CRACD: variants seen among roughly 807,000 people sequenced by gnomAD.
The protein encoded by CRACD is capping protein-inhibiting regulator of actin dynamics.
In CRACD, 56 loss-of-function variants were observed where a neutral mutation model predicts 106.8. The observed-to-expected ratio is 0.52, with a 90% CI of 0.42 to 0.66. CRACD has a LOEUF of 0.66. CRACD is among the 30% of genes least tolerant of loss of function. The probability of loss-of-function intolerance (pLI) is 0.00; values close to 1 mark genes in which losing one functional copy is unlikely to be tolerated. For missense variants in CRACD, 1,730 were observed against 1,623.2 expected (o/e 1.07, Z -1.13); for synonymous variants, 754 against 670.8 (o/e 1.12, Z -1.92).
intron 5 of CRACD, chr4:56,309,039 T>C (rs1744951554): frequency 2.0e-6 from 1 of 505,010 alleles, no homozygotes; most frequent in Non-Finnish European, 3.7e-6. Context: ...AGTCAACCAG[T>C]ATATAAATAG....
intron 1 of CRACD, among the ~76,000 whole-genome samples, chr4:56,141,038 T>A (rs1290348689): frequency 6.6e-6 from 1 of 151,868 alleles, no homozygotes; most frequent in Admixed American, 6.6e-5. Flanking sequence ...CTTCTAGGAG[T>A]CAGTGAAAGA....
chr4:56,137,020 A>G (rs963028025), intron 1 of CRACD, among the ~76,000 whole-genome samples: 3 of 152,218 alleles, frequency 2.0e-5, no homozygotes, highest in African/African-American at 4.8e-5. Flanking sequence ...TCAAAAATCA[A>G]TTGGCATACA....
chr4:56,287,291 A>ATTTTT (rs57432926), intron 3 of CRACD, among the ~76,000 whole-genome samples: 1 of 145,898 alleles, frequency 6.9e-6, no homozygotes, highest in African/African-American at 2.5e-5. Flanking sequence ...TACTTGGCTA[A>ATTTTT]TTTTTTTTTT....
chr4:56,131,443 C>T (rs1267698625), intron 1 of CRACD, among the ~76,000 whole-genome samples: 4 of 152,082 alleles, frequency 2.6e-5, no homozygotes, highest in African/African-American at 4.8e-5. Context: ...TTGCTGAAAT[C>T]GTATATAGGC....
At chr4:56,122,771 G>T (rs147082750) in intron 1 of CRACD, among the ~76,000 whole-genome samples, 152 of 152,314 alleles carry the variant, frequency 1.0e-3, no homozygotes, top group Middle Eastern at 3.4e-3. Flanking sequence ...TAGAAAGTGT[G>T]ATTTGCATTT....
At chr4:56,104,216 G>C (rs1361229938) in intron 1 of CRACD, among the ~76,000 whole-genome samples, 2 of 152,102 alleles carry the variant, frequency 1.3e-5, no homozygotes, top group African/African-American at 2.4e-5. Flanking sequence ...GAGCAACATA[G>C]ATAGACCTCA....
At chr4:56,079,867 C>T (rs1217120543) in intron 1 of CRACD, among the ~76,000 whole-genome samples, 2 of 152,048 alleles carry the variant, frequency 1.3e-5, no homozygotes, top group Non-Finnish European at 2.9e-5. Flanking sequence ...GTAGGTTTAC[C>T]ATTGGGCCAG....
intron 2 of CRACD, among the ~76,000 whole-genome samples, chr4:56,201,291 C>G (rs1304790453): frequency 1.2e-4 from 18 of 152,178 alleles, no homozygotes; most frequent in Non-Finnish European, 1.0e-4. Flanking sequence ...TAAACCGTCT[C>G]TCTTTATACT....
At chr4:56,310,028 A>AG (rs1745032577) in intron 5 of CRACD, among the ~76,000 whole-genome samples, 1 of 151,588 alleles carries the variant, frequency 6.6e-6, no homozygotes, top group African/African-American at 2.4e-5. Context: ...CAAAAAAAAA[A>AG]AAAAAGAAAA....
intron 5 of CRACD, among the ~76,000 whole-genome samples, chr4:56,308,390 A>G (rs996942075): frequency 5.3e-5 from 8 of 151,764 alleles, no homozygotes; most frequent in Non-Finnish European, 8.8e-5. Context: ...ATGCCCTTAG[A>G]CCTCTTAGGG....
In CRACD at chr4:56,136,651, G is replaced by A. The variant is rs553776135; in HGVS notation, c.-335-42633G>A. Among the ~76,000 whole-genome samples, 9 of 152,164 alleles carry A rather than the reference G, an allele frequency of 5.9e-5. No individual in the cohort carries two copies. The South Asian group carries it at 1.9e-3, about 32-fold the overall frequency. ...AGTTCTTTACATAATCTAGATACAAGCATTTATTGGAAAGATATTTTACAA... is the reference window on the plus strand; with the variant it reads ...AGTTCTTTACATAATCTAGATACAAACATTTATTGGAAAGATATTTTACAA... On this transcript the variant is annotated intron_variant, in intron 1 of 10. Coordinates refer to ENST00000682029, the MANE Select transcript of CRACD (RefSeq NM_001393381.1).
intron 1 of CRACD, among the ~76,000 whole-genome samples, chr4:56,070,862 T>TGTGTGTGTGTGTGTGTGG (rs1732625008): frequency 6.7e-6 from 1 of 150,296 alleles, no homozygotes; most frequent in Non-Finnish European, 1.5e-5. Flanking sequence ...TGTGTGTGTG[T>TGTGTGTGTGTGTGTGTGG]GTGTGTGTGT....
At chr4:56,209,727 T>A (rs1738305371) in intron 2 of CRACD, among the ~76,000 whole-genome samples, 1 of 152,238 alleles carries the variant, frequency 6.6e-6, no homozygotes, top group African/African-American at 2.4e-5. Context: ...TAATATTTTT[T>A]AACTTACAAA....
intron 1 of CRACD, among the ~76,000 whole-genome samples, chr4:56,117,593 A>G (rs2068662459): frequency 6.6e-6 from 1 of 152,160 alleles, no homozygotes; most frequent in African/African-American, 2.4e-5. Flanking sequence ...AAAGAGTTAC[A>G]GAGATGGATG....
At chr4:56,230,976 C>T (rs1739584040) in intron 2 of CRACD, among the ~76,000 whole-genome samples, 1 of 152,106 alleles carries the variant, frequency 6.6e-6, no homozygotes, top group Non-Finnish European at 1.5e-5. Context: ...AGGTAGGTAG[C>T]TTATGGACTT....
chr4:56,211,625 A>G (rs1206258449), intron 2 of CRACD, among the ~76,000 whole-genome samples: 1 of 152,142 alleles, frequency 6.6e-6, no homozygotes, highest in Non-Finnish European at 1.5e-5. Flanking sequence ...TCAGCCACCC[A>G]TGGTCGGGTG....
intron 2 of CRACD, among the ~76,000 whole-genome samples, chr4:56,189,876 A>T (rs1415473763): frequency 6.8e-6 from 1 of 147,614 alleles, no homozygotes; most frequent in Non-Finnish European, 1.5e-5. Context: ...TGTGCAGGTT[A>T]GTTACATATG....
At chr4:56,113,158 G>A (rs917633779) in intron 1 of CRACD, among the ~76,000 whole-genome samples, 5 of 152,212 alleles carry the variant, frequency 3.3e-5, no homozygotes, top group South Asian at 2.1e-4. Flanking sequence ...CTTGTTTCTG[G>A]TTTGTGTTCT....
At chr4:56,280,698 T>A (rs1010984485) in intron 3 of CRACD, among the ~76,000 whole-genome samples, 1 of 152,228 alleles carries the variant, frequency 6.6e-6, no homozygotes, top group Admixed American at 6.5e-5. Flanking sequence ...AAGTCAATAT[T>A]CATCTAATTT....
Sources: allele counts gnomAD v4.1 joint callset (sites outside exome capture counted in the v4.1 genomes callset), GRCh38; gene constraint gnomAD v4.1.1; transcripts MANE v1.5; gene names NCBI Gene and HGNC (gene_info 2026-07-23, HGNC 2026-07-21).